The following NRXN1 variants were observed in gnomAD, a reference collection of about 807,000 sequenced individuals.
NRXN1 encodes the protein neurexin 1.
In NRXN1, 39 loss-of-function variants were observed where a neutral mutation model predicts 150.9. The observed-to-expected ratio is 0.26, with a 90% CI of 0.20 to 0.34. NRXN1 has a LOEUF of 0.34. Among genes scored for constraint, NRXN1 ranks in the 10% least tolerant of loss-of-function variants. NRXN1 has a pLI of 1.00. For missense variants in NRXN1, 1,815 were observed against 1,949.9 expected, an observed-to-expected ratio of 0.93 and a Z score of 1.30; for synonymous variants, 924 against 757.0, an observed-to-expected ratio of 1.22 and a Z score of -3.62.
intron 17 of NRXN1, among the ~76,000 whole-genome samples, chr2:50,420,396 T>TGTAC (rs2083888897): frequency 6.6e-6 from 1 of 150,934 alleles, no homozygotes; most frequent in African/African-American, 2.4e-5. Flanking sequence ...CATACATACA[T>TGTAC]GTACACACAC....
At chr2:50,894,642 T>C (rs1207815992) in intron 5 of NRXN1, among the ~76,000 whole-genome samples, 2 of 152,148 alleles carry the variant, frequency 1.3e-5, no homozygotes, top group Non-Finnish European at 1.5e-5. Flanking sequence ...TCCATGAGAT[T>C]AACATAAAAA....
At chr2:50,961,073 A>G (rs1693102127) in intron 2 of NRXN1, among the ~76,000 whole-genome samples, 1 of 151,910 alleles carries the variant, frequency 6.6e-6, no homozygotes, top group South Asian at 2.1e-4. Flanking sequence ...CTCTATTTAC[A>G]AATATGCTGA....
chr2:50,973,325 T>C (rs967463886), intron 2 of NRXN1, among the ~76,000 whole-genome samples: 1 of 152,120 alleles, frequency 6.6e-6, no homozygotes, highest in African/African-American at 2.4e-5. Context: ...TGCAGAGACA[T>C]ACATGAACTA....
At chr2:50,770,315 A>G (rs1301400597) in intron 5 of NRXN1, among the ~76,000 whole-genome samples, 2 of 151,678 alleles carry the variant, frequency 1.3e-5, no homozygotes, top group South Asian at 4.1e-4. Flanking sequence ...GTACACGTAC[A>G]TAATTTTATA....
At chr2:49,955,101 G>GTAT (rs1450598005) in intron 21 of NRXN1, among the ~76,000 whole-genome samples, 1 of 152,096 alleles carries the variant, frequency 6.6e-6, no homozygotes, top group Non-Finnish European at 1.5e-5. Context: ...CATGACACTT[G>GTAT]AATTTACTAG....
intron 8 of NRXN1, among the ~76,000 whole-genome samples, chr2:50,608,070 G>C (rs1334221767): frequency 6.6e-6 from 1 of 151,848 alleles, no homozygotes; most frequent in Admixed American, 6.6e-5. Context: ...GCTTCTGTGG[G>C]ATCTTGACAC....
At chr2:50,055,124 AT>A in intron 19 of NRXN1, 80 bp from the exon 20 acceptor site, 1 of 896,390 alleles carries the variant, frequency 1.1e-6, no homozygotes, top group Non-Finnish European at 1.7e-6. Context: ...AGATTGAGCT[AT>A]ACAGTTGCCA....
At chr2:50,533,508 A>C (rs1381598196) in intron 10 of NRXN1, among the ~76,000 whole-genome samples, 2 of 152,130 alleles carry the variant, frequency 1.3e-5, no homozygotes, top group Admixed American at 6.6e-5. Flanking sequence ...ATCCATTTGC[A>C]AGTCTGCAAG....
intron 9 of NRXN1, chr2:50,548,278 A>T (rs1032972648): frequency 6.6e-6 from 1 of 152,138 alleles, no homozygotes; most frequent in Non-Finnish European, 1.5e-5. Flanking sequence ...TGTTCTCATA[A>T]AAACTTGTCA....
chr2:50,600,239 T>C (rs142446204), intron 8 of NRXN1, among the ~76,000 whole-genome samples: 75 of 152,088 alleles, frequency 4.9e-4, no homozygotes, highest in African/African-American at 1.4e-3. Flanking sequence ...GATAGATATA[T>C]TATGACTTGC....
At chr2:50,476,856 C>T (rs1320490599) in intron 15 of NRXN1, among the ~76,000 whole-genome samples, 1 of 152,026 alleles carries the variant, frequency 6.6e-6, no homozygotes, top group Non-Finnish European at 1.5e-5. Flanking sequence ...AGTTGCTTGA[C>T]AAATATCTTC....
chr2:50,960,202 A>G (rs2104680642), intron 2 of NRXN1, among the ~76,000 whole-genome samples: 2 of 152,132 alleles, frequency 1.3e-5, no homozygotes, highest in African/African-American at 2.4e-5. Flanking sequence ...AGCGAGAAAG[A>G]GAACAACAGA....
intron 5 of NRXN1, among the ~76,000 whole-genome samples, chr2:50,753,061 T>C (rs1336265947): frequency 6.6e-6 from 1 of 152,004 alleles, no homozygotes; most frequent in Non-Finnish European, 1.5e-5. Context: ...AGGAAAAATG[T>C]ACATATTCTA....
At chr2:50,247,481 T>G (rs2066616972) in intron 17 of NRXN1, among the ~76,000 whole-genome samples, 1 of 152,122 alleles carries the variant, frequency 6.6e-6, no homozygotes, top group Non-Finnish European at 1.5e-5. Flanking sequence ...AAATTCAGGT[T>G]CTCCAAATAT....
intron 5 of NRXN1, chr2:50,898,673 T>C: frequency 2.4e-6 from 1 of 412,522 alleles, no homozygotes; most frequent in South Asian, 1.8e-5. Context: ...AAATTTAATT[T>C]TCCTATGAAA....
rs142327233 is a variant in NRXN1 at position 50,726,783 on chromosome 2, T to C, written c.833-103168A>G. On this transcript the variant is annotated intron_variant, in intron 5 of 22. Transcript: ENST00000401669. ...TAATGATTTCTACAAGACTCCAATA[T>C]AGTCATTTTAAATCCCTAATGGAAA... is the stretch of plus-strand genomic sequence containing the variant. Among the ~76,000 whole-genome samples, 550 of 152,260 alleles carry C rather than the reference T, an allele frequency of 3.6e-3. 3 individuals carry two copies. Among genetic ancestry groups the C allele is most frequent in the African/African-American group, 0.012 (506 of 41,558 alleles).
At chr2:50,847,182 G>A (rs1673782583) in intron 5 of NRXN1, among the ~76,000 whole-genome samples, 1 of 152,120 alleles carries the variant, frequency 6.6e-6, no homozygotes, top group Admixed American at 6.5e-5. Flanking sequence ...AGAGACAAGG[G>A]AAGGAGAAGG....
intron 2 of NRXN1, among the ~76,000 whole-genome samples, chr2:50,980,744 T>C (rs116204539): frequency 1.1e-3 from 171 of 152,274 alleles, no homozygotes; most frequent in African/African-American, 3.9e-3. Flanking sequence ...AAAGTTGCCA[T>C]ATGATAAAGT....
intron 17 of NRXN1, among the ~76,000 whole-genome samples, chr2:50,450,182 A>G (rs2104525146): frequency 6.6e-6 from 1 of 152,236 alleles, no homozygotes; most frequent in South Asian, 2.1e-4. Flanking sequence ...CCCTTGTGTG[A>G]AATGCTCTTC....
Sources: gnomAD v4.1 joint callset for allele counts (sites outside exome capture counted in the v4.1 genomes callset) on GRCh38, gnomAD v4.1.1 for gene constraint, MANE v1.5 for transcripts, NCBI Gene and HGNC (gene_info 2026-07-23, HGNC 2026-07-21) for gene names.